GRIP1: variants seen among roughly 807,000 people sequenced by gnomAD.
GRIP1 encodes glutamate receptor interacting protein 1, also known as glutamate receptor-interacting protein 1.
In GRIP1, 45 loss-of-function variants were observed where a neutral mutation model predicts 129.9. That is an observed-to-expected ratio of 0.35 (90% CI 0.27 to 0.44). The LOEUF is 0.44. GRIP1 is among the 20% of genes least tolerant of loss of function. The probability of loss-of-function intolerance (pLI) is 1.00; values close to 1 mark genes in which losing one functional copy is unlikely to be tolerated. For missense variants in GRIP1, 1,196 were observed against 1,396.8 expected, an observed-to-expected ratio of 0.86 and a Z score of 2.29; for synonymous variants, 530 against 520.8, an observed-to-expected ratio of 1.02 and a Z score of -0.24.
chr12:66,815,665 A>G (rs1405261244), intron 1 of GRIP1, among the ~76,000 whole-genome samples: 1 of 151,978 alleles, frequency 6.6e-6, no homozygotes, highest in Non-Finnish European at 1.5e-5. Context: ...TTGGGAGGCT[A>G]AAGTGGGAGG....
rs185009407 is a variant in GRIP1, at chr12:67,039,352, C to T, written c.58+29698G>A. Reference sequence around the variant, plus strand: ...CCATATACTATCAGAAATGGGCACACACAAAAAAAATTCTAAATAGTGACT... The same window carrying T: ...CCATATACTATCAGAAATGGGCACATACAAAAAAAATTCTAAATAGTGACT... On this transcript the variant is annotated intron_variant, in intron 1 of 1. Coordinates refer to the GRIP1 transcript ENST00000643019. Among the ~76,000 whole-genome samples the T allele has an allele frequency of 3.6e-4, 55 of 152,208 alleles. 1 individual carries two copies. Among genetic ancestry groups the T allele is most frequent in the Admixed American group, 3.5e-3 (54 of 15,272 alleles).
intron 1 of GRIP1, among the ~76,000 whole-genome samples, chr12:66,789,838 A>C (rs907471468): frequency 6.6e-6 from 1 of 152,154 alleles, no homozygotes; most frequent in Non-Finnish European, 1.5e-5. Flanking sequence ...TACAAGGAAC[A>C]TGCAAATTCT....
chr12:66,410,249 C>CAAAAAAAAA (rs1177155122), intron 15 of GRIP1, among the ~76,000 whole-genome samples: 2 of 47,434 alleles, frequency 4.2e-5, no homozygotes, highest in Admixed American at 3.7e-4. Flanking sequence ...GACTCCGTCT[C>CAAAAAAAAA]AAAAAAAAAA....
chr12:66,507,104 G>A (rs1425522308), intron 7 of GRIP1, among the ~76,000 whole-genome samples: 2 of 152,114 alleles, frequency 1.3e-5, no homozygotes, highest in Non-Finnish European at 2.9e-5. Context: ...AGCAGCCCTT[G>A]GAAAACTGTT....
chr12:66,748,893 T>C (rs2037037666), intron 1 of GRIP1, among the ~76,000 whole-genome samples: 1 of 152,224 alleles, frequency 6.6e-6, no homozygotes, highest in Non-Finnish European at 1.5e-5. Context: ...CCTGAGTGTA[T>C]CCATCCCTAG....
At position 66,926,492 on chromosome 12, in the gene GRIP1, A is replaced by G. The variant is rs577649063; in HGVS notation, c.58+142558T>C. ...AAACCTGAGTTCGAGTTCTGCCTCC[A>G]TCATTTACTGTCACTGAAATGACAG... On this transcript the variant is annotated intron_variant, in intron 1 of 1. Coordinates refer to the GRIP1 transcript ENST00000643019. Among the ~76,000 whole-genome samples the G allele has an allele frequency of 9.7e-4, 148 of 152,332 alleles. 1 individual carries two copies. Among genetic ancestry groups the G allele is most frequent in the African/African-American group, 3.2e-3 (134 of 41,582 alleles).
At chr12:66,794,175 T>C (rs964364921) in intron 1 of GRIP1, among the ~76,000 whole-genome samples, 4 of 152,244 alleles carry the variant, frequency 2.6e-5, no homozygotes, top group African/African-American at 9.6e-5. Context: ...ATCATTGATA[T>C]GGCAAACTAA....
chr12:66,953,625 A>C (rs1252921450), intron 1 of GRIP1, among the ~76,000 whole-genome samples: 1 of 152,326 alleles, frequency 6.6e-6, no homozygotes, highest in East Asian at 1.9e-4. Flanking sequence ...CTATCACCAA[A>C]GTATGGATAT....
At chr12:66,380,645 A>T (rs1357000974) in intron 19 of GRIP1, among the ~76,000 whole-genome samples, 1 of 152,266 alleles carries the variant, frequency 6.6e-6, no homozygotes, top group Non-Finnish European at 1.5e-5. Flanking sequence ...ACTGGAAATT[A>T]TAGTCTTTGC....
intron 1 of GRIP1, among the ~76,000 whole-genome samples, chr12:66,602,987 A>C (rs1166887900): frequency 6.7e-6 from 1 of 149,956 alleles, no homozygotes; most frequent in African/African-American, 2.4e-5. Context: ...GCCTCTGAGC[A>C]GCTGGGATTG....
At position 66,858,077 on chromosome 12, in the gene GRIP1, G is replaced by GTT. The variant is rs35147536; in HGVS notation, c.58+210971_58+210972dup. Among the ~76,000 whole-genome samples the GTT allele has an allele frequency of 2.5e-3, 375 of 151,600 alleles. 3 individuals are homozygous for GTT. The highest frequency in any genetic ancestry group is 8.8e-3 in the African/African-American group (362 of 41,342). The stretch of plus-strand genomic sequence containing the variant: ...CAAGTCTCTCAACAATATTCACCAT[G>GTT]TTTTTTTGTTTTGAGGGTGGGGTGT... On this transcript the variant is annotated intron_variant, in intron 1 of 1. Transcript: ENST00000643019.
intron 2 of GRIP1, among the ~76,000 whole-genome samples, chr12:66,592,736 G>C (rs1332664381): frequency 6.6e-6 from 1 of 152,160 alleles, no homozygotes; most frequent in African/African-American, 2.4e-5. Context: ...TCATCTCTAA[G>C]TGGGCAAGAC....
At chr12:66,564,798 G>A (rs980725186) in intron 2 of GRIP1, among the ~76,000 whole-genome samples, 10 of 152,198 alleles carry the variant, frequency 6.6e-5, no homozygotes, top group Non-Finnish European at 1.3e-4. Context: ...GTTGTTTCCT[G>A]ACTTTTTAAT....
chr12:66,466,007 T>C (rs1273950134), intron 7 of GRIP1, among the ~76,000 whole-genome samples: 2 of 152,208 alleles, frequency 1.3e-5, no homozygotes, highest in Non-Finnish European at 2.9e-5. Flanking sequence ...AATGGATGGA[T>C]GGATGATGTC....
Position 66,531,302 on chromosome 12 carries a change from T to TAC in GRIP1, c.419-1390_419-1389dup, listed in dbSNP as rs1205041982. Among the ~76,000 whole-genome samples, 157 of 98,096 alleles carry TAC rather than the reference T, an allele frequency of 1.6e-3. 6 individuals carry two copies. The highest frequency in any genetic ancestry group is 1.9e-3 in the African/African-American group (53 of 27,196). 64.4% of individuals were successfully genotyped at this position (98,096 alleles called of 152,430 possible). On this transcript the variant is annotated intron_variant, in intron 4 of 24. Transcript: ENST00000359742. ...ATATATATATATATATATATATATA[T>TAC]ACACACACACACACATACATATACA...
intron 1 of GRIP1, among the ~76,000 whole-genome samples, chr12:66,900,075 G>C (rs996822761): frequency 1.3e-5 from 2 of 152,152 alleles, no homozygotes; most frequent in African/African-American, 2.4e-5. Flanking sequence ...AAGTGGAAAA[G>C]GAGGAAATTA....
At chr12:66,813,748 G>C (rs1228824960) in intron 1 of GRIP1, among the ~76,000 whole-genome samples, 1 of 152,150 alleles carries the variant, frequency 6.6e-6, no homozygotes, top group African/African-American at 2.4e-5. Context: ...AGGAGAGGAA[G>C]CTAAAGAGGC....
At chr12:66,480,009 C>G (rs11176218) in intron 7 of GRIP1, among the ~76,000 whole-genome samples, 31,026 of 152,138 alleles carry the variant, frequency 0.2, 3,394 homozygotes, top group African/African-American at 0.24. Context: ...AAAACCAGCA[C>G]AAGACAAGGA....
At chr12:66,522,925 A>G (rs1439702365) in intron 5 of GRIP1, among the ~76,000 whole-genome samples, 3 of 152,218 alleles carry the variant, frequency 2.0e-5, no homozygotes, top group African/African-American at 4.8e-5. Flanking sequence ...AAGAAAGAGT[A>G]TCAGTGATGG....
Sources: allele counts gnomAD v4.1 joint callset (sites outside exome capture counted in the v4.1 genomes callset), GRCh38; gene constraint gnomAD v4.1.1; transcripts MANE v1.5; gene names NCBI Gene and HGNC (gene_info 2026-07-23, HGNC 2026-07-21).